The following LARGE1 variants were observed in gnomAD, a reference collection of about 807,000 sequenced individuals.
LARGE1 encodes xylosyl- and glucuronyltransferase LARGE1.
In LARGE1, 43 loss-of-function variants were observed where a neutral mutation model predicts 87.6. That is an observed-to-expected ratio of 0.49 (90% CI 0.38 to 0.63). The LOEUF (loss-of-function observed/expected upper bound fraction) is 0.63. Among genes scored for constraint, LARGE1 ranks in the 30% least tolerant of loss-of-function variants. LARGE1 has a pLI of 0.00. For missense variants in LARGE1, 802 were observed against 1,000.2 expected (o/e 0.80, Z 2.67); for synonymous variants, 434 against 394.6 (o/e 1.10, Z -1.18).
At chr22:33,788,004 C>T (rs921144979) in intron 1 of LARGE1, among the ~76,000 whole-genome samples, 4 of 152,272 alleles carry the variant, frequency 2.6e-5, no homozygotes, top group African/African-American at 9.6e-5. Context: ...GAAACCCTGC[C>T]CAGTAAAGTC....
intron 11 of LARGE1, among the ~76,000 whole-genome samples, chr22:33,239,692 C>A (rs1211883945): frequency 6.6e-6 from 1 of 151,854 alleles, no homozygotes; most frequent in East Asian, 1.9e-4. Context: ...GTGCATGACA[C>A]CGCACCTGGC....
chr22:33,813,246 C>T (rs142934081), intron 1 of LARGE1, among the ~76,000 whole-genome samples: 51 of 139,636 alleles, frequency 3.7e-4, no homozygotes, highest in Non-Finnish European at 3.3e-4. Context: ...AGCAAAACTC[C>T]GTCTCAAGAA....
intron 1 of LARGE1, among the ~76,000 whole-genome samples, chr22:33,806,208 T>A (rs1218361323): frequency 6.6e-6 from 1 of 152,194 alleles, no homozygotes; most frequent in African/African-American, 2.4e-5. Context: ...ATCTCTTGTA[T>A]CTGACTTCTT....
At position 33,843,717 on chromosome 22, in the gene LARGE1, A is replaced by G. The variant is rs79365742; in HGVS notation, c.-83+76278T>C. 4.6e-3 allele frequency among the ~76,000 whole-genome samples: 697 copies of G among 152,074 alleles called. 2 individuals are homozygous for G. The highest frequency in any genetic ancestry group is 6.9e-3 in the Non-Finnish European group (471 of 67,988). On this transcript the variant is annotated intron_variant, in intron 1 of 14. Transcript: ENST00000397394. Reference sequence around the variant, plus strand: ...CCTGCAGGTTTGAGTGCAGTAAAAGAAGTTTAAAGGCCACTGGTCCAAAAT... The same window carrying G: ...CCTGCAGGTTTGAGTGCAGTAAAAGGAGTTTAAAGGCCACTGGTCCAAAAT...
At chr22:33,418,055 C>T (rs1327891956) in intron 7 of LARGE1, among the ~76,000 whole-genome samples, 1 of 152,216 alleles carries the variant, frequency 6.6e-6, no homozygotes, top group African/African-American at 2.4e-5. Flanking sequence ...TCAAGCAATT[C>T]TCCTGCCTCA....
Position 33,634,572 on chromosome 22 carries a change from C to T in LARGE1, c.409-8246G>A, listed in dbSNP as rs954917509. Among the ~76,000 whole-genome samples the T allele has an allele frequency of 3.9e-5, 6 of 152,042 alleles. No homozygotes were observed. The South Asian group carries it at 6.3e-4, about 16-fold the overall frequency. ...AAGGCTGCATTCTTCTTTCAGCTAC[C>T]ACCACATGTCCCGAGGCCTTGGAAT... is the stretch of plus-strand genomic sequence containing the variant. On this transcript the variant is annotated intron_variant, in intron 3 of 14. Coordinates refer to ENST00000397394, the MANE Select transcript of LARGE1 (RefSeq NM_133642.5).
At chr22:33,263,141 C>T (rs1440880888) in intron 11 of LARGE1, among the ~76,000 whole-genome samples, 1 of 152,152 alleles carries the variant, frequency 6.6e-6, no homozygotes, top group African/African-American at 2.4e-5. Context: ...TGATTCGCCA[C>T]CTCAGCCTCC....
At chr22:33,884,305 G>A (rs999488818) in intron 1 of LARGE1, among the ~76,000 whole-genome samples, 9 of 152,210 alleles carry the variant, frequency 5.9e-5, no homozygotes, top group African/African-American at 2.2e-4. Flanking sequence ...CGCTTGCAGG[G>A]AACATTATCC....
intron 6 of LARGE1, among the ~76,000 whole-genome samples, chr22:33,462,105 T>C (rs1569184724): frequency 1.3e-5 from 2 of 152,270 alleles, no homozygotes; most frequent in South Asian, 2.1e-4. Context: ...AATTTTATGA[T>C]AAAAGAACAA....
chr22:33,886,687 AAGGG>A (rs1204396330), intron 1 of LARGE1, among the ~76,000 whole-genome samples: 5 of 140,946 alleles, frequency 3.5e-5, no homozygotes, highest in Non-Finnish European at 6.2e-5. Flanking sequence ...AAAAAAAAGG[AAGGG>A]AGGGAGGGAA....
intron 1 of LARGE1, among the ~76,000 whole-genome samples, chr22:33,793,707 G>C (rs1031919562): frequency 5.9e-5 from 9 of 152,110 alleles, no homozygotes. Flanking sequence ...ACTTTTTCCA[G>C]CTCCTCTCTT....
At position 33,278,208 on chromosome 22, in the gene LARGE1, G is replaced by C. The variant is rs146265776; in HGVS notation, c.1878-953C>G. Among the ~76,000 whole-genome samples the C allele has an allele frequency of 6.8e-3, 1,040 of 152,300 alleles. 16 individuals carry two copies. Among genetic ancestry groups the C allele is most frequent in the African/African-American group, 0.024 (984 of 41,542 alleles). ...GTGGCAAATTAACTAGACTCTAGGA[G>C]AGCAGTCCCTGGCCAAAAGCCAGCA... On this transcript the variant is annotated intron_variant, in intron 13 of 14. Coordinates refer to ENST00000397394, the MANE Select transcript of LARGE1 (RefSeq NM_133642.5).
chr22:33,689,417 G>A (rs1023649750), intron 2 of LARGE1, among the ~76,000 whole-genome samples: 2 of 152,206 alleles, frequency 1.3e-5, no homozygotes, highest in Non-Finnish European at 2.9e-5. Context: ...AAAACACAGA[G>A]AGATGAGACA....
intron 11 of LARGE1, among the ~76,000 whole-genome samples, chr22:33,185,868 A>C (rs1235276306): frequency 6.6e-6 from 1 of 152,160 alleles, no homozygotes; most frequent in Non-Finnish European, 1.5e-5. Flanking sequence ...ATTACTAGTG[A>C]TCCTACTGAC....
chr22:33,142,872 G>A, the LARGE1 span, among the ~76,000 whole-genome samples: 2 of 152,162 alleles, frequency 1.3e-5, no homozygotes, highest in Admixed American at 6.5e-5. Flanking sequence ...GATGTCAGTA[G>A]AAGGATTATT....
At chr22:33,547,495 C>A (rs1053022385) in intron 6 of LARGE1, among the ~76,000 whole-genome samples, 2 of 152,046 alleles carry the variant, frequency 1.3e-5, no homozygotes, top group Non-Finnish European at 1.5e-5. Context: ...CTGGTCTAGA[C>A]CATACCAGGC....
chr22:33,825,174 T>C (rs1409482602), intron 1 of LARGE1, among the ~76,000 whole-genome samples: 5 of 152,350 alleles, frequency 3.3e-5, no homozygotes, highest in East Asian at 1.9e-4. Context: ...CAAAGCACTA[T>C]GGAGGAGCCC....
intron 1 of LARGE1, among the ~76,000 whole-genome samples, chr22:33,851,119 T>A (rs1265123824): frequency 6.6e-6 from 1 of 152,224 alleles, no homozygotes; most frequent in East Asian, 1.9e-4. Flanking sequence ...CAAGACACTT[T>A]ACAAGGTGTT....
At chr22:33,357,301 G>C (rs1004208767) in intron 9 of LARGE1, among the ~76,000 whole-genome samples, 1 of 152,002 alleles carries the variant, frequency 6.6e-6, no homozygotes, top group Non-Finnish European at 1.5e-5. Flanking sequence ...GCTAAATAGT[G>C]AGGGCACATG....
Sources: gnomAD v4.1 joint callset for allele counts (sites outside exome capture counted in the v4.1 genomes callset) on GRCh38, gnomAD v4.1.1 for gene constraint, MANE v1.5 for transcripts, NCBI Gene and HGNC (gene_info 2026-07-23, HGNC 2026-07-21) for gene names.